Variants in HMCN1 observed in about 807,000 individuals in gnomAD.
The protein encoded by HMCN1 is hemicentin 1.
In HMCN1, 321 loss-of-function variants were observed where a neutral mutation model predicts 625.9. The ratio of observed to expected loss-of-function variants is 0.51; its 90% CI spans 0.47 to 0.56. The LOEUF is 0.56. Among genes scored for constraint, HMCN1 ranks in the 20% least tolerant of loss-of-function variants. The probability of loss-of-function intolerance (pLI) is 0.00; values close to 1 mark genes in which losing one functional copy is unlikely to be tolerated. For synonymous variants in HMCN1, 2,425 were observed against 2,417.6 expected, an observed-to-expected ratio of 1.00 and a Z score of -0.09; for missense variants, 6,588 against 6,887.3, an observed-to-expected ratio of 0.96 and a Z score of 1.54.
chr1:186,034,606 T>C (rs1655700101), intron 36 of HMCN1, among the ~76,000 whole-genome samples: 1 of 152,146 alleles, frequency 6.6e-6, no homozygotes, highest in African/African-American at 2.4e-5. Flanking sequence ...CTATTGTTCT[T>C]CCTTCTGTGT....
At chr1:185,934,551 A>T (rs1334146982) in intron 11 of HMCN1, among the ~76,000 whole-genome samples, 1 of 152,214 alleles carries the variant, frequency 6.6e-6, no homozygotes, top group Non-Finnish European at 1.5e-5. Context: ...CTTTCAGTGG[A>T]AACATATTTG....
chr1:186,145,635 C>T, intron 92 of HMCN1, 62 bp downstream of exon 92: 1 of 1,608,866 alleles, frequency 6.2e-7, no homozygotes. Flanking sequence ...CTCATTGTAG[C>T]AGGCCTATTG....
chr1:186,143,933 G>T (rs1192382691), intron 89 of HMCN1, among the ~76,000 whole-genome samples: 2 of 152,102 alleles, frequency 1.3e-5, no homozygotes, highest in Non-Finnish European at 2.9e-5. Context: ...TCCTTTGGGT[G>T]ATTTTAAACA....
intron 4 of HMCN1, among the ~76,000 whole-genome samples, chr1:185,884,762 G>T (rs1482358315): frequency 1.3e-5 from 2 of 151,964 alleles, no homozygotes; most frequent in Non-Finnish European, 2.9e-5. Flanking sequence ...GAGGACCCAT[G>T]GGGGACTGAA....
At chr1:186,148,729 ACTC>A (rs1471195871) in intron 93 of HMCN1, among the ~76,000 whole-genome samples, 1 of 151,562 alleles carries the variant, frequency 6.6e-6, no homozygotes, top group Non-Finnish European at 1.5e-5. Context: ...CTGGTCTTGA[ACTC>A]CTCAAGTGAG....
intron 11 of HMCN1, among the ~76,000 whole-genome samples, chr1:185,940,251 T>C (rs763163499): frequency 4.6e-5 from 7 of 152,222 alleles, no homozygotes; most frequent in Non-Finnish European, 8.8e-5. Flanking sequence ...AAACTAACAC[T>C]TTATGTAAAC....
intron 4 of HMCN1, among the ~76,000 whole-genome samples, chr1:185,880,818 TATA>T (rs911710328): frequency 1.4e-4 from 21 of 152,324 alleles, no homozygotes; most frequent in African/African-American, 4.1e-4. Flanking sequence ...ATGTGTTAGT[TATA>T]ATAACCCCCA....
chr1:186,109,443 T>A (rs970825805), intron 71 of HMCN1, among the ~76,000 whole-genome samples: 2 of 152,210 alleles, frequency 1.3e-5, no homozygotes, highest in Non-Finnish European at 2.9e-5. Context: ...CCTACTAGAA[T>A]GCCAGGTGCT....
Position 186,138,108 on chromosome 1 carries a change from A to G in HMCN1, c.13924+136A>G, listed in dbSNP as rs190736955. ...ACCCTTGAGAATATGTTCATTCACTATATTCTTAGTTCTCTTTCATGGATA... is the reference window on the plus strand; with the variant it reads ...ACCCTTGAGAATATGTTCATTCACTGTATTCTTAGTTCTCTTTCATGGATA... On this transcript the variant is annotated intron_variant, in intron 89 of 106. Transcript: ENST00000271588. The G allele has an allele frequency of 1.9e-5, 19 of 990,194 alleles. No individual in the cohort carries two copies. The East Asian group carries it at 4.2e-4, about 22-fold the overall frequency. The allele number at this position is 990,194 out of a possible 1,614,324, so 61.3% of individuals were successfully genotyped here. A position where few individuals can be genotyped will look rare whatever the true frequency, so the allele number is the denominator to read the frequency against.
chr1:186,064,135 A>G (rs902293879), intron 48 of HMCN1, among the ~76,000 whole-genome samples: 4 of 152,182 alleles, frequency 2.6e-5, no homozygotes, highest in Admixed American at 6.6e-5. Flanking sequence ...TCTAGAAATA[A>G]TATAGTAATT....
rs954780457 is a variant in HMCN1, at chr1:186,065,321, C to A, written c.7597C>A (p.Arg2533Ser). Residue 2533 changes from arginine (R) to serine (S), a missense_variant, in exon 49 of 107, where the codon CGT becomes AGT. Coordinates refer to ENST00000271588, the MANE Select transcript of HMCN1 (RefSeq NM_031935.3). ...AGCCCATCACATTATATCTGGTGGCCGTTTTCTTCAAATTACCAATGTCCA... is the reference window on the plus strand; with the variant it reads ...AGCCCATCACATTATATCTGGTGGCAGTTTTCTTCAAATTACCAATGTCCA... ...DEAHHIISGG[R>S]FLQITNVQVP... 3 of 1,612,524 alleles carry A rather than the reference C, an allele frequency of 1.9e-6. No individual in the cohort carries two copies. Among genetic ancestry groups the A allele is most frequent in the Admixed American group, 1.7e-5 (1 of 59,958 alleles).
intron 11 of HMCN1, among the ~76,000 whole-genome samples, chr1:185,939,535 CTTTTT>C: frequency 6.6e-6 from 1 of 152,072 alleles, no homozygotes; most frequent in East Asian, 1.9e-4. Context: ...TTTTGTTTTT[CTTTTT>C]TAAGATCAAA....
chr1:186,147,633 C>T lies in HMCN1; in HGVS notation c.14608+1710C>T, dbSNP rs549272153. On this transcript the variant is annotated intron_variant, in intron 93 of 106. Coordinates refer to ENST00000271588, the MANE Select transcript of HMCN1 (RefSeq NM_031935.3). ...ATATTGCAGATTCAGTTCTAGACCA[C>T]CACAAGGAAGTGAATATTGCAACAG... Among the ~76,000 whole-genome samples, 10 of 152,226 alleles carry T rather than the reference C, an allele frequency of 6.6e-5. No homozygotes were observed. In the South Asian group the frequency reaches 2.1e-3, roughly 32 times the overall value.
At chr1:186,040,049 A>C (rs1656106498) in intron 39 of HMCN1, among the ~76,000 whole-genome samples, 170 bp downstream of exon 39, 1 of 152,166 alleles carries the variant, frequency 6.6e-6, no homozygotes, top group Non-Finnish European at 1.5e-5. Flanking sequence ...GGGTCCCCAA[A>C]CAATTCATTA....
chr1:186,007,670 T>G (rs573040374), intron 30 of HMCN1, among the ~76,000 whole-genome samples: 6 of 152,270 alleles, frequency 3.9e-5, no homozygotes, highest in African/African-American at 1.2e-4. Context: ...AATTATTCTA[T>G]TTGAATTCCA....
chr1:185,736,635 T>A (rs531241009), intron 1 of HMCN1, among the ~76,000 whole-genome samples: 1 of 152,366 alleles, frequency 6.6e-6, no homozygotes, highest in East Asian at 1.9e-4. Flanking sequence ...AAGTTATACA[T>A]GGATACCGGA....
intron 12 of HMCN1, among the ~76,000 whole-genome samples, chr1:185,963,331 A>G (rs933503841): frequency 6.6e-6 from 1 of 152,150 alleles, no homozygotes; most frequent in Non-Finnish European, 1.5e-5. Context: ...GACATGAGAC[A>G]TTACATCTCT....
chr1:185,975,228 G>A (rs1431535426), intron 15 of HMCN1, among the ~76,000 whole-genome samples: 5 of 152,006 alleles, frequency 3.3e-5, no homozygotes, highest in Admixed American at 6.6e-5. Flanking sequence ...TCGTGTATTC[G>A]TCCGTTCTCA....
At position 186,052,969 on chromosome 1, in the gene HMCN1, G is replaced by A. The variant is rs1657064992; in HGVS notation, c.6595G>A (p.Gly2199Ser). 1 of 1,605,408 alleles carries A rather than the reference G, an allele frequency of 6.2e-7. No homozygotes were observed. The highest frequency in any genetic ancestry group is 1.3e-5 in the African/African-American group (1 of 74,602). Residue 2199 changes from glycine (G) to serine (S), a missense_variant, in exon 43 of 107, where the codon GGT (glycine) becomes AGT (serine). By Grantham distance (56) the Gly-to-Ser change is moderately conservative (BLOSUM62 0). This residue lies in a region of HMCN1 where 4,628 missense variants were observed against 4,853.1 expected (regional missense o/e 0.95). Transcript: ENST00000271588. The stretch of plus-strand genomic sequence containing the variant: ...TTTTCTAGTCCCCCCAAATATTGGT[G>A]GTTCTGATGAACTTACTCAACTTAC... ...VNIWVPPNIGGSDELTQLTVI... is the reference protein window; with the variant it reads ...VNIWVPPNIGSSDELTQLTVI...
Sources: gnomAD v4.1 joint callset for allele counts (sites outside exome capture counted in the v4.1 genomes callset) on GRCh38, gnomAD v4.1.1 for gene constraint, gnomAD v4.1.1 regional missense constraint, MANE v1.5 for transcripts, NCBI Gene and HGNC (gene_info 2026-07-23, HGNC 2026-07-21) for gene names.